The following AGAP1 variants were observed in gnomAD, a reference collection of about 807,000 sequenced individuals.
AGAP1 encodes the protein ArfGAP with GTPase domain, ankyrin repeat and PH domain 1.
In AGAP1, 29 loss-of-function variants were observed where a neutral mutation model predicts 105.3. The observed-to-expected ratio is 0.28, with a 90% confidence interval of 0.21 to 0.38. The LOEUF is 0.38. Among genes scored for constraint, AGAP1 ranks in the 10% least tolerant of loss-of-function variants. The pLI is 1.00. For synonymous variants in AGAP1, 509 were observed against 485.9 expected (o/e 1.05, Z -0.63); for missense variants, 998 against 1,165.1 (o/e 0.86, Z 2.09).
rs2052699781 is a variant in AGAP1, at chr2:235,931,063, C to T, written c.1483+140C>T. 1 of 956,598 alleles carries T rather than the reference C, an allele frequency of 1.0e-6. No individual in the cohort carries two copies. Among genetic ancestry groups the T allele is most frequent in the Non-Finnish European group, 1.5e-6 (1 of 670,570 alleles). The allele number at this position is 956,598 out of a possible 1,614,324, so 59.3% of individuals were successfully genotyped here. A position where few individuals can be genotyped will look rare whatever the true frequency, so the allele number is the denominator to read the frequency against. The stretch of plus-strand genomic sequence containing the variant: ...GTGGGGCGGCTGCATCAGAGACTCA[C>T]ATCTTGCCTTTCATCTGTGGAACGT... On this transcript the variant is annotated intron_variant, in intron 12 of 17. Coordinates refer to ENST00000304032, the MANE Select transcript of AGAP1 (RefSeq NM_001037131.3). This position sits in a 1 kb window ranked among gnomAD's most constrained non-coding sequence, Gnocchi z 5.6.
Position 235,963,417 on chromosome 2 carries a change from G to A in AGAP1, c.1484-5045G>A, listed in dbSNP as rs1422628783. On this transcript the variant is annotated intron_variant, in intron 12 of 17. Transcript: ENST00000304032. This position sits in a 1 kb window ranked among gnomAD's most constrained non-coding sequence, Gnocchi z 5.1. ...GGCTGCTTTGTGTGCACATAGAAAA[G>A]GAAACAGATGTATTTGAACAGAGGT... Among the ~76,000 whole-genome samples, 1 of 152,142 alleles carries A rather than the reference G, an allele frequency of 6.6e-6. No homozygotes were observed. The highest frequency in any genetic ancestry group is 1.5e-5 in the Non-Finnish European group (1 of 68,020).
chr2:235,817,951 T>A (rs10192532), intron 9 of AGAP1, among the ~76,000 whole-genome samples: 43,488 of 152,110 alleles, frequency 0.29, 6,528 homozygotes, highest in Admixed American at 0.42. Context: ...TGTCCATAAA[T>A]TACCTAATAC....
At position 235,846,610 on chromosome 2, in the gene AGAP1, C is replaced by T. The variant is rs541713523; in HGVS notation, c.1051-36735C>T. Among the ~76,000 whole-genome samples the T allele has an allele frequency of 1.9e-4, 29 of 151,838 alleles. 1 individual carries two copies. Among genetic ancestry groups the T allele is most frequent in the Non-Finnish European group, 3.7e-4 (25 of 68,014 alleles). On this transcript the variant is annotated intron_variant, in intron 9 of 17. Coordinates refer to ENST00000304032, the MANE Select transcript of AGAP1 (RefSeq NM_001037131.3). ...CCTGTAAAAGTACTAGTATTACAGG[C>T]GTGACCCACTGTGCCCAACCTATTT...
chr2:236,046,367 G>A lies in AGAP1; in HGVS notation c.1892-2692G>A, dbSNP rs2057717513. ...GGTCTGCAGGGAAGTGACGGGCAAG[G>A]CCGCAGACAGGAGCCCCTTGCACCC... On this transcript the variant is annotated intron_variant, in intron 15 of 17. Coordinates refer to ENST00000304032, the MANE Select transcript of AGAP1 (RefSeq NM_001037131.3). The surrounding 1 kb of genome is among the most constrained non-coding windows in gnomAD (Gnocchi z 5.2). Among the ~76,000 whole-genome samples the A allele has an allele frequency of 6.6e-6, 1 of 152,216 alleles. No individual in the cohort carries two copies.
intron 1 of AGAP1, among the ~76,000 whole-genome samples, chr2:235,619,760 G>T (rs549882602): frequency 1.3e-5 from 2 of 152,322 alleles, no homozygotes; most frequent in South Asian, 2.1e-4. Context: ...CAGCTTCGGC[G>T]CCCGAATTGC....
rs929230101 is a variant in AGAP1 at position 235,732,087 on chromosome 2, G to A, written c.311-8876G>A. On this transcript the variant is annotated intron_variant, in intron 3 of 17. Coordinates refer to ENST00000304032, the MANE Select transcript of AGAP1 (RefSeq NM_001037131.3). This position sits in a 1 kb window ranked among gnomAD's most constrained non-coding sequence, Gnocchi z 4.8. ...GTGTCACATTTTCCTGGTGTATCGC[G>A]TGCACTTTTGATCTGCGGATTCAGA... Among the ~76,000 whole-genome samples the A allele has an allele frequency of 5.3e-5, 8 of 152,100 alleles. No homozygotes were observed. The highest frequency in any genetic ancestry group is 3.9e-4 in the East Asian group (2 of 5,188).
At chr2:235,735,894 T>G (rs951706109) in intron 3 of AGAP1, among the ~76,000 whole-genome samples, 1 of 152,082 alleles carries the variant, frequency 6.6e-6, no homozygotes, top group African/African-American at 2.4e-5. Flanking sequence ...ATGGGACCGC[T>G]GTATCCCCAA....
At chr2:235,644,820 G>A (rs1204198954) in intron 1 of AGAP1, among the ~76,000 whole-genome samples, 1 of 152,188 alleles carries the variant, frequency 6.6e-6, no homozygotes, top group East Asian at 1.9e-4. Context: ...TGGTGTGTCA[G>A]CTTCGCTGTC....
chr2:235,969,388 A>G (rs910545482), intron 13 of AGAP1, among the ~76,000 whole-genome samples: 1 of 152,168 alleles, frequency 6.6e-6, no homozygotes, highest in African/African-American at 2.4e-5. Context: ...CTTAAAAGGA[A>G]AAATTAAAGT....
intron 9 of AGAP1, among the ~76,000 whole-genome samples, chr2:235,856,721 C>T (rs1382072814): frequency 6.6e-6 from 1 of 152,236 alleles, no homozygotes; most frequent in South Asian, 2.1e-4. Context: ...AGTCACAGGT[C>T]CTGGCCATGA....
intron 1 of AGAP1, among the ~76,000 whole-genome samples, chr2:235,619,057 C>T (rs115773695): frequency 1.4e-4 from 21 of 152,102 alleles, no homozygotes; most frequent in Middle Eastern, 3.4e-3. Flanking sequence ...CGCTAGGAGC[C>T]GGAAAAGGCA....
chr2:235,624,782 G>T (rs2149276286), intron 1 of AGAP1, among the ~76,000 whole-genome samples: 1 of 152,232 alleles, frequency 6.6e-6, no homozygotes, highest in Admixed American at 6.5e-5. Flanking sequence ...GGAGGTGATT[G>T]GATCATGGGG....
At chr2:236,029,053 A>G (rs895501236) in intron 13 of AGAP1, among the ~76,000 whole-genome samples, 1 of 152,166 alleles carries the variant, frequency 6.6e-6, no homozygotes, top group African/African-American at 2.4e-5. Context: ...CTCTCCCAGT[A>G]GAGCAGTACA....
At position 235,898,418 on chromosome 2, in the gene AGAP1, G is replaced by A. The variant is rs951792091; in HGVS notation, c.1156-10320G>A. On this transcript the variant is annotated intron_variant, in intron 10 of 17. Transcript: ENST00000304032. ...CCCCCATTTAAAAAAAAAAAAGGTGGGGGAAGAGAAGGAGGAAAAAGCAGA... is the reference window on the plus strand; with the variant it reads ...CCCCCATTTAAAAAAAAAAAAGGTGAGGGAAGAGAAGGAGGAAAAAGCAGA... Among the ~76,000 whole-genome samples, 6 of 152,066 alleles carry A rather than the reference G, an allele frequency of 3.9e-5. No homozygotes were observed. The East Asian group carries it at 9.7e-4, about 24-fold the overall frequency.
rs139327462 is a variant in AGAP1 at position 235,815,754 on chromosome 2, G to A, written c.1050+8423G>A. 8.5e-5 allele frequency among the ~76,000 whole-genome samples: 13 copies of A among 152,274 alleles called. No homozygotes were observed. In the East Asian group the frequency reaches 2.5e-3, roughly 29 times the overall value. On this transcript the variant is annotated intron_variant, in intron 9 of 17. Transcript: ENST00000304032. ...GAGACTCAAAGTACTCCGACTTGGG[G>A]GTTTCCATTGAAACTTTCCTAAGTT... is the stretch of plus-strand genomic sequence containing the variant.
At chr2:235,667,924 C>T (rs558802523) in intron 1 of AGAP1, among the ~76,000 whole-genome samples, 4 of 141,042 alleles carry the variant, frequency 2.8e-5, no homozygotes, top group Non-Finnish European at 6.0e-5. Context: ...TGCCATTGAG[C>T]TCCCGACTGG....
rs1466047467 is a variant in AGAP1 at position 236,003,631 on chromosome 2, T to C, written c.1646-32930T>C. 6.6e-6 allele frequency among the ~76,000 whole-genome samples: 1 copy of C among 152,142 alleles called. No individual in the cohort carries two copies. Among genetic ancestry groups the C allele is most frequent in the African/African-American group, 2.4e-5 (1 of 41,432 alleles). On this transcript the variant is annotated intron_variant, in intron 13 of 17. Coordinates refer to ENST00000304032, the MANE Select transcript of AGAP1 (RefSeq NM_001037131.3). This position sits in a 1 kb window ranked among gnomAD's most constrained non-coding sequence, Gnocchi z 4.2. ...CCTCCACCCCACACTCTCCCTTGGA[T>C]TTGCGCCTGTTCTTTCTCTGGCTGT... is the stretch of plus-strand genomic sequence containing the variant.
chr2:235,886,433 C>G (rs1269372304), intron 10 of AGAP1, among the ~76,000 whole-genome samples: 1 of 152,226 alleles, frequency 6.6e-6, no homozygotes, highest in Non-Finnish European at 1.5e-5. Context: ...CTTAGGAGGC[C>G]TAAAGCCTGT....
intron 1 of AGAP1, among the ~76,000 whole-genome samples, chr2:235,540,025 C>T (rs1216309190): frequency 6.6e-6 from 1 of 152,112 alleles, no homozygotes; most frequent in Admixed American, 6.5e-5. Flanking sequence ...CCATGTCCTG[C>T]TCAGGAAGGT....
Sources: gnomAD v4.1 joint callset for allele counts (sites outside exome capture counted in the v4.1 genomes callset) on GRCh38, gnomAD v4.1.1 for gene constraint, Gnocchi (gnomAD v3.1) non-coding constraint, MANE v1.5 for transcripts, NCBI Gene and HGNC (gene_info 2026-07-23, HGNC 2026-07-21) for gene names.